CAST: variants seen among roughly 807,000 people sequenced by gnomAD.
CAST encodes the protein calpastatin.
CAST carries 76 observed loss-of-function variants against 119.6 expected under a neutral mutation model. That is an observed-to-expected ratio of 0.64 (90% CI 0.53 to 0.77). The LOEUF (loss-of-function observed/expected upper bound fraction) is 0.77, where lower values mean the gene tolerates loss of function less well. CAST is among the 30% of genes least tolerant of loss of function. The probability of loss-of-function intolerance (pLI) is 0.00; values close to 1 mark genes in which losing one functional copy is unlikely to be tolerated. For missense variants in CAST, 953 were observed against 946.5 expected (o/e 1.01, Z -0.09); for synonymous variants, 319 against 331.6 (o/e 0.96, Z 0.41).
At chr5:96,291,554 A>G in the CAST span, among the ~76,000 whole-genome samples, 1 of 152,122 alleles carries the variant, frequency 6.6e-6, no homozygotes, top group African/African-American at 2.4e-5. Context: ...TAGACAGTTC[A>G]GAGTTCTCCT....
At chr5:96,065,312 T>C in the CAST span, among the ~76,000 whole-genome samples, 1 of 152,066 alleles carries the variant, frequency 6.6e-6, no homozygotes, top group African/African-American at 2.4e-5. Flanking sequence ...AAAGCTTTAA[T>C]GTTGTGAGGA....
chr5:96,028,118 A>G, the CAST span, among the ~76,000 whole-genome samples: 1 of 152,126 alleles, frequency 6.6e-6, no homozygotes, highest in East Asian at 1.9e-4. Context: ...GAGATTTTAC[A>G]AACTCCTATT....
At chr5:96,315,539 G>A in the CAST span, among the ~76,000 whole-genome samples, 11 of 152,238 alleles carry the variant, frequency 7.2e-5, no homozygotes, top group African/African-American at 2.7e-4. Context: ...AGAGAAGTGG[G>A]AGTGGTGAAG....
the CAST span, among the ~76,000 whole-genome samples, chr5:96,181,067 A>C: frequency 6.6e-6 from 1 of 152,094 alleles, no homozygotes; most frequent in Non-Finnish European, 1.5e-5. Context: ...TTTATGGCAG[A>C]TATTTTTTCT....
chr5:96,152,979 T>A, the CAST span, among the ~76,000 whole-genome samples: 2 of 152,230 alleles, frequency 1.3e-5, no homozygotes, highest in Non-Finnish European at 2.9e-5. Flanking sequence ...TTTTAAATTT[T>A]AAAAAATTGA....
At chr5:96,564,959 G>C (rs1016097096) in intron 1 of CAST, among the ~76,000 whole-genome samples, 14 of 152,194 alleles carry the variant, frequency 9.2e-5, no homozygotes, top group Admixed American at 3.3e-4. Flanking sequence ...CCCAGGCAGA[G>C]TGGAGTCAGT....
chr5:96,660,233 G>A (rs1748242293), upstream of CAST, among the ~76,000 whole-genome samples: 1 of 152,040 alleles, frequency 6.6e-6, no homozygotes, highest in Non-Finnish European at 1.5e-5. Context: ...CAGCTAGCCA[G>A]CCTGCTCATG....
chr5:96,482,027 A>C, the CAST span, among the ~76,000 whole-genome samples: 1 of 152,300 alleles, frequency 6.6e-6, no homozygotes, highest in African/African-American at 2.4e-5. Flanking sequence ...CATGGTAATG[A>C]AGGAGATTTA....
At chr5:96,439,771 C>T in the CAST span, among the ~76,000 whole-genome samples, 2 of 152,168 alleles carry the variant, frequency 1.3e-5, no homozygotes, top group African/African-American at 4.8e-5. Context: ...CTTTGTTTCT[C>T]ACCTCCCTCC....
the CAST span, among the ~76,000 whole-genome samples, chr5:96,015,109 T>C: frequency 1.3e-5 from 2 of 152,164 alleles, no homozygotes; most frequent in African/African-American, 4.8e-5. Context: ...TAGAAAGCAA[T>C]GTAGCTCACA....
At chr5:95,990,277 C>T in the CAST span, among the ~76,000 whole-genome samples, 805 of 152,134 alleles carry the variant, frequency 5.3e-3, 10 homozygotes, top group Admixed American at 9.8e-3. Flanking sequence ...GAATTGCCAA[C>T]TTGCTTTGTG....
At chr5:96,282,648 T>A in the CAST span, among the ~76,000 whole-genome samples, 1 of 152,188 alleles carries the variant, frequency 6.6e-6, no homozygotes, top group South Asian at 2.1e-4. Context: ...CTTATTGTAT[T>A]TTAAAACACT....
chr5:96,737,412 G>A (rs1215194699), intron 10 of CAST, among the ~76,000 whole-genome samples: 6 of 152,118 alleles, frequency 3.9e-5, no homozygotes, highest in African/African-American at 1.4e-4. Context: ...ATTTTTAGGG[G>A]TTCTTTGTTT....
chr5:96,348,007 C>A, the CAST span, among the ~76,000 whole-genome samples: 2 of 152,060 alleles, frequency 1.3e-5, no homozygotes, highest in Admixed American at 1.3e-4. Flanking sequence ...AGACAGAAAT[C>A]GAGTTTCAAA....
chr5:95,968,502 C>T, the CAST span, among the ~76,000 whole-genome samples: 4 of 152,060 alleles, frequency 2.6e-5, no homozygotes, highest in Non-Finnish European at 5.9e-5. Flanking sequence ...TCATATCTGT[C>T]GCTTATTTAA....
chr5:96,467,035 G>T, the CAST span, among the ~76,000 whole-genome samples: 1 of 152,194 alleles, frequency 6.6e-6, no homozygotes, highest in East Asian at 1.9e-4. Flanking sequence ...GATCAGATTG[G>T]CAAGAAATGT....
chr5:96,502,158 T>A, the CAST span, among the ~76,000 whole-genome samples: 1 of 152,220 alleles, frequency 6.6e-6, no homozygotes. Flanking sequence ...ACAGCACTCA[T>A]AACATAAATC....
chr5:96,699,918 A>G (rs1181469064), intron 3 of CAST, among the ~76,000 whole-genome samples: 1 of 152,230 alleles, frequency 6.6e-6, no homozygotes, highest in African/African-American at 2.4e-5. Flanking sequence ...AACAGAAGAA[A>G]GCGCAAACAA....
At chr5:96,107,227 A>G in the CAST span, among the ~76,000 whole-genome samples, 1 of 152,018 alleles carries the variant, frequency 6.6e-6, no homozygotes, top group South Asian at 2.1e-4. Flanking sequence ...ATTTACATTT[A>G]AAGTTAATAT....
Sources: gnomAD v4.1 joint callset for allele counts (sites outside exome capture counted in the v4.1 genomes callset) on GRCh38, gnomAD v4.1.1 for gene constraint, MANE v1.5 for transcripts, NCBI Gene and HGNC (gene_info 2026-07-23, HGNC 2026-07-21) for gene names.